Variants in GPC5 observed in about 807,000 individuals in gnomAD.
GPC5 encodes glypican 5, also known as glypican-5.
A neutral mutation model predicts 53.9 loss-of-function variants in GPC5; 47 were observed. The observed-to-expected ratio is 0.87, with a 90% CI of 0.69 to 1.11. The LOEUF (loss-of-function observed/expected upper bound fraction) is 1.11, where lower values mean the gene tolerates loss of function less well. Among genes scored for constraint, GPC5 ranks in the 50% most tolerant of loss-of-function variants. The pLI, the probability that GPC5 is intolerant of heterozygous loss-of-function variation, is 0.00. For missense variants in GPC5, 748 were observed against 713.1 expected, an observed-to-expected ratio of 1.05 and a Z score of -0.56; for synonymous variants, 286 against 263.3, an observed-to-expected ratio of 1.09 and a Z score of -0.84.
chr13:91,424,433 C>T (rs892338792), intron 1 of GPC5, among the ~76,000 whole-genome samples: 1 of 147,280 alleles, frequency 6.8e-6, no homozygotes, highest in African/African-American at 2.5e-5. Flanking sequence ...GGCGCGATCT[C>T]GGCTCACTGA....
At chr13:92,497,268 G>C (rs1594251330) in intron 7 of GPC5, among the ~76,000 whole-genome samples, 2 of 152,136 alleles carry the variant, frequency 1.3e-5, no homozygotes, top group African/African-American at 4.8e-5. Context: ...AATCAATCTT[G>C]AGTTAATTTT....
intron 7 of GPC5, among the ~76,000 whole-genome samples, chr13:92,532,508 TC>T (rs1881596864): frequency 6.6e-6 from 1 of 152,128 alleles, no homozygotes. Context: ...GGTTACTAAA[TC>T]CCAAAGAAAT....
intron 7 of GPC5, among the ~76,000 whole-genome samples, chr13:92,639,267 T>C (rs1885511706): frequency 1.3e-5 from 2 of 152,218 alleles, no homozygotes; most frequent in African/African-American, 2.4e-5. Context: ...ATAATCTTAT[T>C]TTCTCTCATA....
chr13:91,731,109 A>G (rs564644674), intron 4 of GPC5, among the ~76,000 whole-genome samples: 1 of 152,352 alleles, frequency 6.6e-6, no homozygotes, highest in African/African-American at 2.4e-5. Context: ...CTTGCCAGCT[A>G]AAAGTGAATT....
At chr13:92,256,237 G>A (rs2042725149) in intron 7 of GPC5, among the ~76,000 whole-genome samples, 2 of 151,800 alleles carry the variant, frequency 1.3e-5, no homozygotes, top group African/African-American at 4.8e-5. Flanking sequence ...CCAAGATGGT[G>A]TCCTCAATTG....
chr13:92,527,168 GAAAGAGAAAGAAAGAAGA>G (rs1566276731), intron 7 of GPC5, among the ~76,000 whole-genome samples: 27 of 107,190 alleles, frequency 2.5e-4, no homozygotes, highest in Non-Finnish European at 3.6e-4. Context: ...AAGAAAGAAA[GAAAGAGAAAGAAAGAAGA>G]AAGAAAGAAA....
intron 7 of GPC5, among the ~76,000 whole-genome samples, chr13:92,146,859 A>G (rs2041871073): frequency 6.6e-6 from 1 of 152,060 alleles, no homozygotes; most frequent in African/African-American, 2.4e-5. Context: ...TTATGGCTGA[A>G]TAGTATTCCA....
At chr13:92,280,084 A>G (rs1197911191) in intron 7 of GPC5, among the ~76,000 whole-genome samples, 1 of 151,914 alleles carries the variant, frequency 6.6e-6, no homozygotes, top group Non-Finnish European at 1.5e-5. Context: ...TTTTCTACTG[A>G]TATTTCTCTT....
At chr13:92,526,598 A>G (rs897779257) in intron 7 of GPC5, among the ~76,000 whole-genome samples, 26 of 151,994 alleles carry the variant, frequency 1.7e-4, no homozygotes, top group Non-Finnish European at 4.4e-5. Context: ...ATTTTAAAGA[A>G]GAAATGCAGA....
chr13:92,695,650 TG>T (rs1887535872), intron 7 of GPC5, among the ~76,000 whole-genome samples: 1 of 152,112 alleles, frequency 6.6e-6, no homozygotes, highest in Admixed American at 6.6e-5. Flanking sequence ...AACAGACTTT[TG>T]GTAGGACTTA....
At chr13:92,151,691 A>C (rs1030699987) in intron 7 of GPC5, among the ~76,000 whole-genome samples, 3 of 152,186 alleles carry the variant, frequency 2.0e-5, no homozygotes, top group African/African-American at 7.2e-5. Context: ...TCTATTTTGA[A>C]ATAGTACCTC....
intron 7 of GPC5, among the ~76,000 whole-genome samples, chr13:92,767,385 C>G (rs1222891049): frequency 2.6e-5 from 4 of 152,136 alleles, no homozygotes; most frequent in African/African-American, 9.7e-5. Flanking sequence ...GCAGGAGAAT[C>G]ACTCGAACCT....
At chr13:91,827,397 G>A (rs1171518480) in intron 5 of GPC5, among the ~76,000 whole-genome samples, 1 of 151,634 alleles carries the variant, frequency 6.6e-6, no homozygotes, top group African/African-American at 2.4e-5. Context: ...GGCACGAATT[G>A]GAATAAATAT....
intron 7 of GPC5, among the ~76,000 whole-genome samples, chr13:92,653,241 G>A (rs1361401866): frequency 1.3e-5 from 2 of 152,168 alleles, no homozygotes; most frequent in Non-Finnish European, 2.9e-5. Flanking sequence ...TGACAATTTG[G>A]TCCATACCAT....
chr13:92,552,352 A>G (rs1882346270), intron 7 of GPC5, among the ~76,000 whole-genome samples: 1 of 151,898 alleles, frequency 6.6e-6, no homozygotes, highest in African/African-American at 2.4e-5. Flanking sequence ...GAAAAAGAAG[A>G]ACAACAGATA....
chr13:92,614,844 T>A (rs1034042877), intron 7 of GPC5, among the ~76,000 whole-genome samples: 1 of 152,212 alleles, frequency 6.6e-6, no homozygotes, highest in Non-Finnish European at 1.5e-5. Flanking sequence ...AATCTTGACC[T>A]ATTCAAAAAG....
intron 7 of GPC5, among the ~76,000 whole-genome samples, chr13:92,427,172 C>G (rs1359355172): frequency 6.6e-6 from 1 of 151,414 alleles, no homozygotes; most frequent in Admixed American, 6.6e-5. Flanking sequence ...TTTGATTTAT[C>G]AGAATATAGC....
At chr13:92,657,499 A>G (rs1886174103) in intron 7 of GPC5, among the ~76,000 whole-genome samples, 1 of 151,966 alleles carries the variant, frequency 6.6e-6, no homozygotes, top group African/African-American at 2.4e-5. Context: ...GGAAAATACC[A>G]ACAACTATGA....
chr13:92,647,343 T>C (rs1318648603), intron 7 of GPC5, among the ~76,000 whole-genome samples: 1 of 152,194 alleles, frequency 6.6e-6, no homozygotes, highest in Non-Finnish European at 1.5e-5. Flanking sequence ...AGTGCATTTC[T>C]GCATGTATTG....
Sources: allele counts gnomAD v4.1 joint callset (sites outside exome capture counted in the v4.1 genomes callset), GRCh38; gene constraint gnomAD v4.1.1; transcripts MANE v1.5; gene names NCBI Gene and HGNC (gene_info 2026-07-23, HGNC 2026-07-21).